PTPRD: variants seen among roughly 807,000 people sequenced by gnomAD.
The protein encoded by PTPRD is receptor-type tyrosine-protein phosphatase delta.
A neutral mutation model predicts 214.5 loss-of-function variants in PTPRD; 34 were observed. The ratio of observed to expected loss-of-function variants is 0.16; its 90% confidence interval spans 0.12 to 0.21. The LOEUF is 0.21. PTPRD is among the 10% of genes least tolerant of loss of function. PTPRD has a pLI of 1.00. For synonymous variants in PTPRD, 1,128 were observed against 845.7 expected, an observed-to-expected ratio of 1.33 and a Z score of -5.79; for missense variants, 2,545 against 2,398.7, an observed-to-expected ratio of 1.06 and a Z score of -1.27.
chr9:9,262,450 A>G (rs554015911), intron 9 of PTPRD, among the ~76,000 whole-genome samples: 26 of 151,620 alleles, frequency 1.7e-4, no homozygotes, highest in African/African-American at 6.0e-4. Flanking sequence ...TTTAAAGTAT[A>G]TCTCAATTTG....
At chr9:8,711,967 G>T (rs181945152) in intron 12 of PTPRD, among the ~76,000 whole-genome samples, 3 of 152,166 alleles carry the variant, frequency 2.0e-5, no homozygotes, top group Non-Finnish European at 4.4e-5. Flanking sequence ...TACATATTGC[G>T]GCAGTGTGAG....
At chr9:8,980,056 G>A (rs1264354248) in intron 11 of PTPRD, among the ~76,000 whole-genome samples, 1 of 152,024 alleles carries the variant, frequency 6.6e-6, no homozygotes, top group Non-Finnish European at 1.5e-5. Context: ...CTCAAAAAAA[G>A]AAGGAAATCC....
At chr9:10,598,704 GGTGTGTGGTGT>G (rs1567142300) in intron 2 of PTPRD, among the ~76,000 whole-genome samples, 5 of 109,420 alleles carry the variant, frequency 4.6e-5, no homozygotes, top group Non-Finnish European at 5.5e-5. Context: ...GTGTGTGTGT[GGTGTGTGGTGT>G]GTGTGTGTGT....
At chr9:8,922,541 C>T (rs1238671286) in intron 11 of PTPRD, among the ~76,000 whole-genome samples, 2 of 152,230 alleles carry the variant, frequency 1.3e-5, no homozygotes, top group African/African-American at 4.8e-5. Context: ...ATTGTCTTTG[C>T]CATCCAACTG....
intron 12 of PTPRD, among the ~76,000 whole-genome samples, chr9:8,715,034 C>T (rs2098416305): frequency 6.6e-6 from 1 of 151,334 alleles, no homozygotes; most frequent in African/African-American, 2.4e-5. Context: ...TGCTTAAGGA[C>T]CTATATACAA....
rs2097386205 is a variant in PTPRD, at chr9:8,500,796, C to T, written c.2086G>A (p.Gly696Ser). The change falls in exon 24 of 46, where the codon GGC (glycine) becomes AGC (serine). Residue 696 changes from glycine to serine, a missense_variant. Coordinates refer to ENST00000381196, the MANE Select transcript of PTPRD (RefSeq NM_002839.4). ...ATCAACACGGACAAGCTCTCAGGGCCAGGGCCGACATCTGTATGGGCTGTC... is the reference window on the plus strand; with the variant it reads ...ATCAACACGGACAAGCTCTCAGGGCTAGGGCCGACATCTGTATGGGCTGTC... ...TVTAHTDVGP[G>S]PESLSVLIRT... is the part of the protein sequence containing the mutation. 1.9e-6 allele frequency: 3 copies of T among 1,613,968 alleles called. No individual in the cohort carries two copies. The highest frequency in any genetic ancestry group is 2.2e-5 in the South Asian group (2 of 91,082).
chr9:9,602,269 C>A (rs141902874), intron 7 of PTPRD, among the ~76,000 whole-genome samples: 16 of 152,012 alleles, frequency 1.1e-4, no homozygotes, highest in African/African-American at 3.6e-4. Context: ...ATGCATTATA[C>A]AAATGATTTA....
chr9:9,840,471 G>C (rs952058198), intron 5 of PTPRD, among the ~76,000 whole-genome samples: 3 of 151,976 alleles, frequency 2.0e-5, no homozygotes, highest in African/African-American at 7.3e-5. Context: ...ACGTAAATGT[G>C]ATTTGCCTAA....
intron 5 of PTPRD, among the ~76,000 whole-genome samples, chr9:9,932,125 G>GA (rs1458453551): frequency 4.0e-5 from 6 of 148,438 alleles, no homozygotes; most frequent in Admixed American, 1.3e-4. Context: ...CAAAGATGGG[G>GA]AAAAAACAGA....
At chr9:9,101,693 G>A (rs1402994594) in intron 10 of PTPRD, among the ~76,000 whole-genome samples, 1 of 152,182 alleles carries the variant, frequency 6.6e-6, no homozygotes, top group Non-Finnish European at 1.5e-5. Flanking sequence ...GAGACATGAT[G>A]TGTGCCTGTC....
intron 2 of PTPRD, among the ~76,000 whole-genome samples, chr9:10,509,503 A>ATCTATCTATCT (rs397942022): frequency 2.1e-5 from 3 of 142,542 alleles, no homozygotes; most frequent in Non-Finnish European, 4.6e-5. Context: ...CTATCTATCT[A>ATCTATCTATCT]ATGATCATTA....
intron 3 of PTPRD, among the ~76,000 whole-genome samples, chr9:10,139,377 G>A (rs896522920): frequency 2.0e-5 from 3 of 151,694 alleles, no homozygotes; most frequent in South Asian, 4.2e-4. Flanking sequence ...TAAAATCAGA[G>A]ATGATACAAA....
In PTPRD at chr9:10,466,623, C is replaced by CAAAAA. The variant is rs66705572; in HGVS notation, c.-599-125611_-599-125607dup. 3.6e-3 allele frequency among the ~76,000 whole-genome samples: 280 copies of CAAAAA among 76,884 alleles called. 1 individual carries two copies. The highest frequency in any genetic ancestry group is 4.5e-3 in the African/African-American group (78 of 17,274). The allele number at this position is 76,884 out of a possible 152,430, so 50.4% of individuals were successfully genotyped here. ...GGGCAACAAGAGCGAAACTCCAACTCAAAAAAAAAAAAAAAAAAAAAAAAA... is the reference window on the plus strand; with the variant it reads ...GGGCAACAAGAGCGAAACTCCAACTCAAAAAAAAAAAAAAAAAAAAAAAAAAAAAA... On this transcript the variant is annotated intron_variant, in intron 2 of 45. Coordinates refer to ENST00000381196, the MANE Select transcript of PTPRD (RefSeq NM_002839.4).
At chr9:8,515,295 T>C (rs760050995) in intron 21 of PTPRD, among the ~76,000 whole-genome samples, 2 of 152,210 alleles carry the variant, frequency 1.3e-5, no homozygotes, top group Non-Finnish European at 2.9e-5. Flanking sequence ...TGAGAATAAA[T>C]ACATGCAAAG....
chr9:9,383,518 T>C (rs2140422218), intron 9 of PTPRD, among the ~76,000 whole-genome samples: 1 of 152,248 alleles, frequency 6.6e-6, no homozygotes, highest in Admixed American at 6.5e-5. Context: ...AGTATATTAT[T>C]TGATTGAGGC....
Position 8,465,688 on chromosome 9 carries a change from A to C in PTPRD, c.3505-13T>G. 1.9e-6 allele frequency: 3 copies of C among 1,588,378 alleles called. No individual in the cohort carries two copies. Among genetic ancestry groups the C allele is most frequent in the Non-Finnish European group, 2.6e-6 (3 of 1,166,564 alleles). On this transcript the variant is annotated splice_polypyrimidine_tract_variant and intron_variant, in intron 31 of 45. Transcript: ENST00000381196. ...TCTCCTTAAGCAGCTTAAGGAAAAA[A>C]GTGGGAAACAGAAAAAGAACTGTAA... is the stretch of plus-strand genomic sequence containing the variant.
chr9:9,665,550 A>G (rs2096705783), intron 7 of PTPRD, among the ~76,000 whole-genome samples: 1 of 151,818 alleles, frequency 6.6e-6, no homozygotes, highest in African/African-American at 2.4e-5. Context: ...CTGAGGTTCT[A>G]TCTAGTAAAT....
At chr9:10,025,344 C>A (rs10958828) in intron 4 of PTPRD, among the ~76,000 whole-genome samples, 17,492 of 152,178 alleles carry the variant, frequency 0.11, 1,389 homozygotes, top group African/African-American at 0.21. Flanking sequence ...GAGATGGTAT[C>A]TGAACTGCTT....
At chr9:8,353,516 T>C (rs1448740255) in intron 39 of PTPRD, among the ~76,000 whole-genome samples, 1 of 151,760 alleles carries the variant, frequency 6.6e-6, no homozygotes. Context: ...CATCGTAAAC[T>C]CCGTTTCCTG....
Sources: allele counts gnomAD v4.1 joint callset (sites outside exome capture counted in the v4.1 genomes callset), GRCh38; gene constraint gnomAD v4.1.1; transcripts MANE v1.5; gene names NCBI Gene and HGNC (gene_info 2026-07-23, HGNC 2026-07-21).